Variants in RPS6KL1 observed in about 807,000 individuals in gnomAD.
The protein encoded by RPS6KL1 is ribosomal protein S6 kinase like 1.
Under a neutral mutation model 57.0 loss-of-function variants are expected in RPS6KL1, and 41 were observed. That is an observed-to-expected ratio of 0.72 (90% CI 0.56 to 0.93). The LOEUF is 0.93. RPS6KL1 is among the 40% of genes least tolerant of loss of function. The pLI, the probability that RPS6KL1 is intolerant of heterozygous loss-of-function variation, is 0.00. For synonymous variants in RPS6KL1, 287 were observed against 309.7 expected, an observed-to-expected ratio of 0.93 and a Z score of 0.77; for missense variants, 697 against 727.7, an observed-to-expected ratio of 0.96 and a Z score of 0.49.
chr14:74,917,419 C>CT (rs1238565876), intron 5 of RPS6KL1, among the ~76,000 whole-genome samples: 1 of 152,130 alleles, frequency 6.6e-6, no homozygotes, highest in Non-Finnish European at 1.5e-5. Context: ...GGACTGTCTC[C>CT]TTTTCTCTGT....
intron 5 of RPS6KL1, 151 bp downstream of exon 5, chr14:74,918,362 C>T (rs570516964): frequency 9.3e-5 from 52 of 558,018 alleles, no homozygotes; most frequent in African/African-American, 6.8e-4. Flanking sequence ...CAACTGCACT[C>T]GCACTCCCCA....
rs1320684657 is a variant in RPS6KL1, at chr14:74,909,941, C to A, written c.872G>T (p.Gly291Val). The A allele has an allele frequency of 6.2e-7, 1 of 1,614,096 alleles. No individual in the cohort carries two copies. Among genetic ancestry groups the A allele is most frequent in the Non-Finnish European group, 8.5e-7 (1 of 1,179,988 alleles). ...CTGGGGTCTGGTGGATGGGGCCTCC[C>A]CAGCTAGGAGAAGGTTCGGAGAAGT... ...PRTSPNLLLA[G>V]EAPSTRPQRE... The change falls in exon 8 of 12, where the codon GGG becomes GTG. Residue 291 changes from glycine (G) to valine (V), a missense_variant. Physicochemically the swap from Gly to Val is moderately radical, Grantham distance 109. Coordinates refer to ENST00000557413, the MANE Select transcript of RPS6KL1 (RefSeq NM_031464.5).
chr14:74,910,469 A>C, intron 7 of RPS6KL1: 1 of 217,914 alleles, frequency 4.6e-6, no homozygotes, highest in Non-Finnish European at 8.9e-6. Flanking sequence ...GACCGATATA[A>C]AGAAATTTAA....
At chr14:74,916,952 C>T (rs1239704194) in intron 5 of RPS6KL1, among the ~76,000 whole-genome samples, 2 of 152,232 alleles carry the variant, frequency 1.3e-5, no homozygotes, top group African/African-American at 4.8e-5. Flanking sequence ...CCGGGAGGCA[C>T]GGTGTCAGTC....
Position 74,921,290 on chromosome 14 carries a change from G to A in RPS6KL1, c.252C>T (p.Leu84=). ...CCCGGTCCTCACCGTGTATGCCACG[G>A]AGCAGCACGTCCACGCCATTCTGAT... ...NHYQNGVDVL[L]RGIHVDPNKE... The change falls in exon 3 of 12, where the codon CTC becomes CTT. Residue 84 remains leucine, a synonymous_variant. Coordinates refer to ENST00000557413, the MANE Select transcript of RPS6KL1 (RefSeq NM_031464.5). The A allele has an allele frequency of 6.3e-7, 1 of 1,592,282 alleles. No homozygotes were observed. The highest frequency in any genetic ancestry group is 8.6e-7 in the Non-Finnish European group (1 of 1,166,612).
At chr14:74,910,930 G>A in intron 7 of RPS6KL1, 1 of 313,676 alleles carries the variant, frequency 3.2e-6, no homozygotes, top group Non-Finnish European at 6.3e-6. Flanking sequence ...AGAGTGCAGT[G>A]GCGTGATCTT....
chr14:74,910,036 G>A lies in RPS6KL1; in HGVS notation c.777C>T (p.Leu259=). 1.9e-6 allele frequency: 3 copies of A among 1,613,492 alleles called. No homozygotes were observed. Among genetic ancestry groups the A allele is most frequent in the Non-Finnish European group, 2.5e-6 (3 of 1,179,846 alleles). ...CTGAGGGAAGCCTCGCTGGGGTCAG[G>A]AGGTTGAGGTGGGGGTTGAGCTGAG... The part of the protein sequence containing the change: ...MKAQLNPHLN[L]LTPARLPSGH... The change falls in exon 8 of 12, where the codon CTC becomes CTT. Residue 259 remains leucine, a synonymous_variant. Coordinates refer to ENST00000557413, the MANE Select transcript of RPS6KL1 (RefSeq NM_031464.5).
At chr14:74,918,783 G>A (rs574407898) in intron 4 of RPS6KL1, among the ~76,000 whole-genome samples, 178 bp from the exon 5 acceptor site, 48 of 152,328 alleles carry the variant, frequency 3.2e-4, no homozygotes, top group South Asian at 1.4e-3. Context: ...GGCCTTTACC[G>A]ATAGGCACCC....
chr14:74,909,139 C>T lies in RPS6KL1; in HGVS notation c.1322G>A (p.Cys441Tyr). The T allele has an allele frequency of 6.2e-7, 1 of 1,614,230 alleles. No homozygotes were observed. The highest frequency in any genetic ancestry group is 2.2e-5 in the East Asian group (1 of 44,890). The change falls in exon 9 of 12, where the codon TGC (cysteine) becomes TAC (tyrosine). Residue 441 changes from cysteine (C) to tyrosine (Y), a missense_variant. Physicochemically the swap from Cys to Tyr is radical, Grantham distance 194. Coordinates refer to ENST00000557413, the MANE Select transcript of RPS6KL1 (RefSeq NM_031464.5). ...GAGATTGTCCACGGCCTCCCCGCAGCACTGGGGCTCCACCTCTGACCACTG... is the reference window on the plus strand; with the variant it reads ...GAGATTGTCCACGGCCTCCCCGCAGTACTGGGGCTCCACCTCTGACCACTG... ...FGQWSEVEPQCCGEAVDNLYS... is the reference protein window; with the variant it reads ...FGQWSEVEPQYCGEAVDNLYS...
intron 10 of RPS6KL1, 106 bp downstream of exon 10, chr14:74,908,744 A>G (rs1785363321): frequency 1.0e-6 from 1 of 971,802 alleles, no homozygotes; most frequent in Non-Finnish European, 1.7e-6. Flanking sequence ...TTGTGCTGGT[A>G]GGACAGCCAG....
At chr14:74,911,518 C>A in intron 6 of RPS6KL1, 138 bp from the exon 7 acceptor site, 1 of 941,778 alleles carries the variant, frequency 1.1e-6, no homozygotes. Flanking sequence ...CCTGTCCTTA[C>A]CCCCACTGCC....
intron 5 of RPS6KL1, among the ~76,000 whole-genome samples, chr14:74,913,423 G>A (rs1886346143): frequency 6.6e-6 from 1 of 152,178 alleles, no homozygotes; most frequent in African/African-American, 2.4e-5. Flanking sequence ...TGGGCATAGT[G>A]GTGCCCGCCT....
At position 74,909,141 on chromosome 14, in the gene RPS6KL1, C is replaced by T; in HGVS notation, c.1320G>A (p.Gln440=). 1 of 1,614,228 alleles carries T rather than the reference C, an allele frequency of 6.2e-7. No individual in the cohort carries two copies. The highest frequency in any genetic ancestry group is 8.5e-7 in the Non-Finnish European group (1 of 1,180,034). ...GATTGTCCACGGCCTCCCCGCAGCACTGGGGCTCCACCTCTGACCACTGGC... is the reference window on the plus strand; with the variant it reads ...GATTGTCCACGGCCTCCCCGCAGCATTGGGGCTCCACCTCTGACCACTGGC... The part of the protein sequence containing the change: ...YFGQWSEVEP[Q]CCGEAVDNLY... The change falls in exon 9 of 12, where the codon CAG becomes CAA. Residue 440 remains glutamine (Q), a synonymous_variant. Transcript: ENST00000557413.
rs1197272067 is a variant in RPS6KL1 at position 74,911,345 on chromosome 14, C to T, written c.567G>A (p.Arg189=). 1 of 1,610,226 alleles carries T rather than the reference C, an allele frequency of 6.2e-7. No individual in the cohort carries two copies. ...LPRCHMVSRE[R]LTIIPHGVPY... is the part of the protein sequence containing the mutation. ...GGACTCCGTGTGGGATGATGGTCAG[C>T]CGCTCCCTGCTCACCATGTGGCACC... The change falls in exon 7 of 12, where the codon CGG becomes CGA. Residue 189 remains arginine (R), a synonymous_variant. Coordinates refer to ENST00000557413, the MANE Select transcript of RPS6KL1 (RefSeq NM_031464.5).
chr14:74,919,771 G>A (rs939218209), intron 4 of RPS6KL1, 74 bp downstream of exon 4: 6 of 1,537,558 alleles, frequency 3.9e-6, no homozygotes, highest in Non-Finnish European at 5.3e-6. Flanking sequence ...GGGCCTGTGG[G>A]TGTCGGGGCC....
Position 74,920,353 on chromosome 14 carries a change from G to T in RPS6KL1, c.266-384C>A, listed in dbSNP as rs77839612. 2.9e-3 allele frequency among the ~76,000 whole-genome samples: 444 copies of T among 152,326 alleles called. 4 individuals are homozygous for T. Among genetic ancestry groups the T allele is most frequent in the African/African-American group, 0.01 (430 of 41,566 alleles). The stretch of plus-strand genomic sequence containing the variant: ...TTGCTTCTTCCATCTCTGATGCCCA[G>T]TGTAAAGAAGGCTAGGGTGGGGACC... On this transcript the variant is annotated intron_variant, in intron 3 of 11. Transcript: ENST00000557413.
At position 74,908,900 on chromosome 14, in the gene RPS6KL1, A is replaced by T; in HGVS notation, c.1393T>A (p.Cys465Ser). The change falls in exon 10 of 12, where the codon TGT becomes AGT. Residue 465 changes from cysteine to serine, a missense_variant. Cys to Ser is a moderately radical substitution (Grantham distance 112). Transcript: ENST00000557413. Reference protein sequence around the residue: ...VGGISELTEACDWWSFGSLLY... With the variant: ...VGGISELTEASDWWSFGSLLY... ...AGAGACCCAAAGCTCCACCAGTCACAGGCTTCCGTCAGCTCGGAAATCCCA... is the reference window on the plus strand; with the variant it reads ...AGAGACCCAAAGCTCCACCAGTCACTGGCTTCCGTCAGCTCGGAAATCCCA... 2 of 1,614,028 alleles carry T rather than the reference A, an allele frequency of 1.2e-6. No individual in the cohort carries two copies. The highest frequency in any genetic ancestry group is 1.7e-6 in the Non-Finnish European group (2 of 1,179,950).
At chr14:74,911,454 TG>T in intron 6 of RPS6KL1, 74 bp from the exon 7 acceptor site, 2 of 1,537,252 alleles carry the variant, frequency 1.3e-6, no homozygotes, top group Non-Finnish European at 1.8e-6. Context: ...CTCCTAGCCC[TG>T]GCTTCAGGGG....
At chr14:74,907,353 G>A (rs1268352843) in intron 11 of RPS6KL1, 82 bp downstream of exon 11, 2 of 1,511,000 alleles carry the variant, frequency 1.3e-6, no homozygotes, top group Non-Finnish European at 1.8e-6. Context: ...CGAAGCACAC[G>A]TGGTTCAGAC....
Sources: gnomAD v4.1 joint callset for allele counts (sites outside exome capture counted in the v4.1 genomes callset) on GRCh38, gnomAD v4.1.1 for gene constraint, MANE v1.5 for transcripts, NCBI Gene and HGNC (gene_info 2026-07-23, HGNC 2026-07-21) for gene names.